The following DPYD variants were observed in gnomAD, a reference collection of about 807,000 sequenced individuals.
DPYD encodes dihydropyrimidine dehydrogenase [NADP(+)].
In DPYD, 109 loss-of-function variants were observed where a neutral mutation model predicts 116.2. The observed-to-expected ratio is 0.94, with a 90% CI of 0.80 to 1.10. The LOEUF is 1.10. Among genes scored for constraint, DPYD ranks in the 50% least tolerant of loss-of-function variants. DPYD has a pLI of 0.00. For synonymous variants in DPYD, 440 were observed against 432.0 expected, an observed-to-expected ratio of 1.02 and a Z score of -0.23; for missense variants, 1,302 against 1,254.5, an observed-to-expected ratio of 1.04 and a Z score of -0.57.
chr1:97,905,469 C>A (rs996010151), intron 1 of DPYD, among the ~76,000 whole-genome samples: 1 of 152,018 alleles, frequency 6.6e-6, no homozygotes, highest in Non-Finnish European at 1.5e-5. Flanking sequence ...AAAGAAAACA[C>A]GATATAGAAT....
At chr1:97,486,972 CA>C (rs1678675238) in intron 13 of DPYD, among the ~76,000 whole-genome samples, 1 of 151,636 alleles carries the variant, frequency 6.6e-6, no homozygotes, top group South Asian at 2.1e-4. Flanking sequence ...CAGAAATAGC[CA>C]TGCAAATATT....
At chr1:97,147,374 A>AAACG (rs1319934756) in intron 20 of DPYD, among the ~76,000 whole-genome samples, 1 of 145,418 alleles carries the variant, frequency 6.9e-6, no homozygotes, top group African/African-American at 2.5e-5. Context: ...ACAAACGAAC[A>AAACG]AACAAACAAA....
intron 14 of DPYD, among the ~76,000 whole-genome samples, chr1:97,402,257 G>A (rs558160032): frequency 2.3e-4 from 35 of 152,168 alleles, no homozygotes; most frequent in Middle Eastern, 3.4e-3. Context: ...CATGAACATG[G>A]AATATCTCTC....
intron 3 of DPYD, among the ~76,000 whole-genome samples, chr1:97,784,806 A>C (rs1351681565): frequency 6.6e-6 from 1 of 152,190 alleles, no homozygotes; most frequent in East Asian, 1.9e-4. Context: ...ATCTATATCA[A>C]CTTCTTAAGG....
At chr1:97,656,809 G>GAC (rs1557864835) in intron 8 of DPYD, among the ~76,000 whole-genome samples, 2 of 149,648 alleles carry the variant, frequency 1.3e-5, no homozygotes, top group Non-Finnish European at 2.9e-5. Context: ...CAATGCTTAG[G>GAC]AATTTTTTAT....
At chr1:97,595,029 C>A (rs1168560538) in intron 9 of DPYD, 30 bp downstream of exon 9, 2 of 1,485,656 alleles carry the variant, frequency 1.3e-6, no homozygotes, top group Non-Finnish European at 1.9e-6. Flanking sequence ...AGCATACTCA[C>A]TATTAAGCAT....
intron 8 of DPYD, among the ~76,000 whole-genome samples, chr1:97,666,825 A>G (rs2100883391): frequency 6.6e-6 from 1 of 152,268 alleles, no homozygotes; most frequent in Non-Finnish European, 1.5e-5. Context: ...AAATTCCACA[A>G]ACAGATGCAT....
intron 14 of DPYD, among the ~76,000 whole-genome samples, chr1:97,415,824 G>C (rs994328716): frequency 8.7e-5 from 13 of 150,040 alleles, no homozygotes; most frequent in Non-Finnish European, 1.8e-4. Context: ...CTTGTACAGG[G>C]TATGGCTTTT....
chr1:97,399,074 T>A (rs1673192278), intron 14 of DPYD, among the ~76,000 whole-genome samples: 1 of 152,320 alleles, frequency 6.6e-6, no homozygotes, highest in Middle Eastern at 3.4e-3. Context: ...GTTTTTATGG[T>A]TTTAGGTCTA....
At chr1:97,449,953 A>T (rs2101790760) in intron 14 of DPYD, 106 bp downstream of exon 14, 1 of 1,419,028 alleles carries the variant, frequency 7.0e-7, no homozygotes, top group Non-Finnish European at 9.8e-7. Context: ...CAGATTCTTT[A>T]ATAAAATATA....
intron 13 of DPYD, among the ~76,000 whole-genome samples, chr1:97,515,094 G>C (rs1269042290): frequency 6.6e-6 from 1 of 151,736 alleles, no homozygotes; most frequent in African/African-American, 2.4e-5. Context: ...ACCATATAAG[G>C]ATGCAATCCT....
rs185256422 is a variant in DPYD, at chr1:97,602,419, T to A, written c.851-7253A>T. ...AGAAAGGATGTGAACATATTCTTTA[T>A]AACAAAGCAATGAATGTATTAAGAA... On this transcript the variant is annotated intron_variant, in intron 8 of 22. Transcript: ENST00000370192. Among the ~76,000 whole-genome samples, 1,013 of 152,064 alleles carry A rather than the reference T, an allele frequency of 6.7e-3. 7 individuals carry two copies. Among genetic ancestry groups the A allele is most frequent in the Non-Finnish European group, 0.012 (799 of 67,844 alleles).
At chr1:97,382,307 A>G (rs1672017200) in intron 15 of DPYD, 86 bp downstream of exon 15, 2 of 744,750 alleles carry the variant, frequency 2.7e-6, no homozygotes, top group South Asian at 2.2e-5. Context: ...CTTCTACTGT[A>G]TTATTTCTCA....
In DPYD at chr1:97,549,819, G is replaced by A. The variant is rs55713521; in HGVS notation, c.1340-75C>T. 7 of 1,295,066 alleles carry A rather than the reference G, an allele frequency of 5.4e-6. No individual in the cohort carries two copies. The East Asian group carries it at 1.5e-4, about 28-fold the overall frequency. 80.2% of individuals were successfully genotyped at this position (1,295,066 alleles called of 1,614,324 possible). On this transcript the variant is annotated intron_variant, in intron 11 of 22. Coordinates refer to ENST00000370192, the MANE Select transcript of DPYD (RefSeq NM_000110.4). ...TCCATAACAATAATTTTAAAATTAA[G>A]AAAAATTATGGTTTAATTATTGTTC...
chr1:97,194,276 T>C (rs1658593295), intron 19 of DPYD, among the ~76,000 whole-genome samples: 1 of 152,130 alleles, frequency 6.6e-6, no homozygotes, highest in South Asian at 2.1e-4. Context: ...ATCTCCATGC[T>C]GTTCTCGTGA....
intron 20 of DPYD, among the ~76,000 whole-genome samples, chr1:97,107,058 A>C (rs1651217651): frequency 6.6e-6 from 1 of 152,122 alleles, no homozygotes; most frequent in East Asian, 1.9e-4. Flanking sequence ...ACCTGTCCCC[A>C]CACCAAGGCT....
chr1:97,718,436 A>C (rs1180415891), intron 5 of DPYD, among the ~76,000 whole-genome samples: 1 of 151,978 alleles, frequency 6.6e-6, no homozygotes, highest in African/African-American at 2.4e-5. Flanking sequence ...GGTATATTTC[A>C]CAGATATCAG....
At chr1:97,856,620 G>T (rs1670858414) in intron 2 of DPYD, 1 of 152,164 alleles carries the variant, frequency 6.6e-6, no homozygotes. Context: ...ATTTAGCAGA[G>T]ACTTCTGAGG....
chr1:97,733,109 A>G (rs1482797623), intron 4 of DPYD, among the ~76,000 whole-genome samples: 1 of 152,118 alleles, frequency 6.6e-6, no homozygotes, highest in Non-Finnish European at 1.5e-5. Context: ...TGGCATTAGT[A>G]TACTAGAGTA....
Sources: gnomAD v4.1 joint callset for allele counts (sites outside exome capture counted in the v4.1 genomes callset) on GRCh38, gnomAD v4.1.1 for gene constraint, MANE v1.5 for transcripts, NCBI Gene and HGNC (gene_info 2026-07-23, HGNC 2026-07-21) for gene names.